Variants in ECE1 observed in about 807,000 individuals in gnomAD.
ECE1 encodes the protein endothelin-converting enzyme 1.
Under a neutral mutation model 98.6 loss-of-function variants are expected in ECE1, and 35 were observed. The observed-to-expected ratio is 0.35, with a 90% CI of 0.27 to 0.47. The LOEUF (loss-of-function observed/expected upper bound fraction) is 0.47. Among genes scored for constraint, ECE1 ranks in the 20% least tolerant of loss-of-function variants. The probability of loss-of-function intolerance (pLI) is 1.00; values close to 1 mark genes in which losing one functional copy is unlikely to be tolerated. For synonymous variants in ECE1, 394 were observed against 407.1 expected (o/e 0.97, Z 0.39); for missense variants, 814 against 1,025.3 (o/e 0.79, Z 2.81).
chr1:21,280,486 G>C (rs1186831169), intron 2 of ECE1, among the ~76,000 whole-genome samples: 1 of 152,184 alleles, frequency 6.6e-6, no homozygotes, highest in Non-Finnish European at 1.5e-5. Flanking sequence ...AAGTGGAGAG[G>C]AGAGGAGGGC....
In ECE1 at chr1:21,345,421, CG is replaced by C. The variant is rs756339386; in HGVS notation, c.-44del. ...CCGGCTTCGCGCAGCTCCCCGCGCC[CG>C]GCTCCCGATTCCCAGCTCCGGGTTC... On this transcript the variant is annotated 5_prime_UTR_variant, in exon 1 of 19. Transcript: ENST00000415912. This position sits in a 1 kb window ranked among gnomAD's most constrained non-coding sequence, Gnocchi z 5.1. 144 of 1,318,984 alleles carry C rather than the reference CG, an allele frequency of 1.1e-4. 2 individuals are homozygous for C. In the East Asian group the frequency reaches 4.4e-3, roughly 40 times the overall value. The allele number at this position is 1,318,984 out of a possible 1,614,324, so 81.7% of individuals were successfully genotyped here. A position where few individuals can be genotyped will look rare whatever the true frequency, so the allele number is the denominator to read the frequency against.
At chr1:21,250,380 A>G (rs2098211022) in intron 8 of ECE1, among the ~76,000 whole-genome samples, 1 of 152,170 alleles carries the variant, frequency 6.6e-6, no homozygotes, top group Admixed American at 6.5e-5. Context: ...TTGGAATTAT[A>G]TATACTGCTA....
intron 3 of ECE1, among the ~76,000 whole-genome samples, chr1:21,274,879 T>C (rs898313503): frequency 6.6e-6 from 1 of 151,870 alleles, no homozygotes; most frequent in South Asian, 2.1e-4. Context: ...AGAAAGGAAA[T>C]GGTGGGGGTG....
At chr1:21,276,473 C>T (rs755671233) in intron 3 of ECE1, among the ~76,000 whole-genome samples, 6 of 152,308 alleles carry the variant, frequency 3.9e-5, no homozygotes, top group East Asian at 1.9e-4. Flanking sequence ...ATTTAATTTA[C>T]AGACACTCAT....
At chr1:21,259,100 G>C (rs2098223648) in intron 5 of ECE1, among the ~76,000 whole-genome samples, 1 of 152,190 alleles carries the variant, frequency 6.6e-6, no homozygotes, top group Non-Finnish European at 1.5e-5. Flanking sequence ...GCTGGGATGA[G>C]AATGGGAAAG....
chr1:21,281,411 T>G (rs2098254369), intron 2 of ECE1, among the ~76,000 whole-genome samples: 1 of 152,188 alleles, frequency 6.6e-6, no homozygotes, highest in Non-Finnish European at 1.5e-5. Context: ...GAGGGCCTGG[T>G]GCAGAGAGAG....
intron 1 of ECE1, among the ~76,000 whole-genome samples, chr1:21,303,837 T>C (rs567719321): frequency 6.6e-6 from 1 of 151,962 alleles, no homozygotes; most frequent in East Asian, 2.0e-4. Context: ...TTTTAATAGA[T>C]AGGGGGTTTT....
intron 8 of ECE1, 23 bp downstream of exon 8, chr1:21,255,924 C>G (rs1428554316): frequency 6.2e-7 from 1 of 1,613,266 alleles, no homozygotes; most frequent in Non-Finnish European, 8.5e-7. Flanking sequence ...CCCAGCCTCC[C>G]TAGCAGCCGG....
chr1:21,245,312 G>A (rs573630657), intron 9 of ECE1, among the ~76,000 whole-genome samples: 4 of 152,218 alleles, frequency 2.6e-5, no homozygotes, highest in South Asian at 2.1e-4. Flanking sequence ...CATAGGAAAC[G>A]CTTCAGTGTT....
intron 3 of ECE1, among the ~76,000 whole-genome samples, chr1:21,276,529 T>C (rs1036070099): frequency 2.0e-5 from 3 of 152,306 alleles, no homozygotes; most frequent in Admixed American, 1.3e-4. Context: ...TTCTTTAAAA[T>C]ATGTTCTTGG....
At chr1:21,297,619 C>T (rs1638394651) in intron 1 of ECE1, among the ~76,000 whole-genome samples, 1 of 149,380 alleles carries the variant, frequency 6.7e-6, no homozygotes, top group Non-Finnish European at 1.5e-5. Flanking sequence ...GTAACCTCTG[C>T]CTCCTGGGTT....
At chr1:21,276,184 C>T (rs1200162682) in intron 3 of ECE1, among the ~76,000 whole-genome samples, 1 of 152,026 alleles carries the variant, frequency 6.6e-6, no homozygotes, top group Admixed American at 6.6e-5. Flanking sequence ...CAACACCACG[C>T]CTGGCTAATT....
intron 8 of ECE1, 76 bp from the exon 9 acceptor site, chr1:21,247,439 C>A (rs1324737882): frequency 1.3e-6 from 2 of 1,597,900 alleles, no homozygotes; most frequent in Non-Finnish European, 1.7e-6. Flanking sequence ...CGGGCTTCTA[C>A]AGGAAGCAAA....
At chr1:21,334,304 C>T (rs1458794314) in intron 1 of ECE1, among the ~76,000 whole-genome samples, 1 of 152,234 alleles carries the variant, frequency 6.6e-6, no homozygotes, top group Non-Finnish European at 1.5e-5. Flanking sequence ...CTCTCTCTGG[C>T]TCCCAGCCAC....
At chr1:21,281,641 T>C (rs887557116) in intron 2 of ECE1, among the ~76,000 whole-genome samples, 3 of 152,170 alleles carry the variant, frequency 2.0e-5, no homozygotes, top group African/African-American at 7.2e-5. Context: ...CATGTCCCCA[T>C]TATCATGGCT....
rs1285107053 is a variant in ECE1 at position 21,340,227 on chromosome 1, G to A, written c.3+5149C>T. ...CTCTATTAAAGGCTCTGGAGACCAG[G>A]GCCCTCGGCTGGTTATCTGCCTGAA... On this transcript the variant is annotated intron_variant, in intron 1 of 18. Transcript: ENST00000415912. This position sits in a 1 kb window ranked among gnomAD's most constrained non-coding sequence, Gnocchi z 4.6. Among the ~76,000 whole-genome samples, 1 of 152,196 alleles carries A rather than the reference G, an allele frequency of 6.6e-6. No individual in the cohort carries two copies. The highest frequency in any genetic ancestry group is 1.5e-5 in the Non-Finnish European group (1 of 68,036).
chr1:21,271,879 G>A (rs3026866), intron 4 of ECE1, among the ~76,000 whole-genome samples: 9,282 of 151,854 alleles, frequency 0.061, 304 homozygotes, highest in Middle Eastern at 0.071. Flanking sequence ...GATGATTCCC[G>A]CCTACACTGA....
intron 8 of ECE1, among the ~76,000 whole-genome samples, chr1:21,252,025 G>C (rs546769973): frequency 6.6e-6 from 1 of 152,204 alleles, no homozygotes; most frequent in African/African-American, 2.4e-5. Flanking sequence ...CTGACTGCAT[G>C]ACCTGTTGGC....
intron 1 of ECE1, among the ~76,000 whole-genome samples, chr1:21,301,427 G>A (rs1379001360): frequency 1.3e-5 from 2 of 152,128 alleles, no homozygotes; most frequent in African/African-American, 2.4e-5. Flanking sequence ...CCCAGGGGGC[G>A]GAGCCTGCAG....
Sources: allele counts gnomAD v4.1 joint callset (sites outside exome capture counted in the v4.1 genomes callset), GRCh38; gene constraint gnomAD v4.1.1; non-coding constraint Gnocchi (gnomAD v3.1); transcripts MANE v1.5; gene names NCBI Gene and HGNC (gene_info 2026-07-23, HGNC 2026-07-21).